TPCN1: variants seen among roughly 807,000 people sequenced by gnomAD.
TPCN1 encodes two pore segment channel 1, also known as two pore channel protein 1.
A neutral mutation model predicts 108.8 loss-of-function variants in TPCN1; 52 were observed. The observed-to-expected ratio is 0.48, with a 90% CI of 0.38 to 0.60. The LOEUF (loss-of-function observed/expected upper bound fraction) is 0.60. Among genes scored for constraint, TPCN1 ranks in the 20% least tolerant of loss-of-function variants. The pLI is 0.00. For synonymous variants in TPCN1, 446 were observed against 433.7 expected, an observed-to-expected ratio of 1.03 and a Z score of -0.35; for missense variants, 806 against 1,072.8, an observed-to-expected ratio of 0.75 and a Z score of 3.47.
intron 2 of TPCN1, 117 bp downstream of exon 2, chr12:113,227,081 T>G: frequency 1.2e-6 from 1 of 812,184 alleles, no homozygotes; most frequent in Non-Finnish European, 1.9e-6. Flanking sequence ...GGCCCCACAT[T>G]TGAGCCCCAA....
At chr12:113,241,521 C>G (rs893950124) in intron 2 of TPCN1, among the ~76,000 whole-genome samples, 1 of 152,224 alleles carries the variant, frequency 6.6e-6, no homozygotes, top group Non-Finnish European at 1.5e-5. Flanking sequence ...CAGCTTGAGT[C>G]TCAAGCCAAA....
Position 113,266,235 on chromosome 12 carries a change from C to A in TPCN1, c.293C>A (p.Ala98Glu), listed in dbSNP as rs763213221. The A allele has an allele frequency of 6.2e-7, 1 of 1,614,152 alleles. No individual in the cohort carries two copies. ...FTHPKDAKAL[A>E]AYLFAHNHLF... ...CACCCCAAGGATGCCAAGGCGCTGG[C>A]GGCCTACCTCTTTGCACACAATCAC... is the stretch of plus-strand genomic sequence containing the variant. Residue 98 changes from alanine (A) to glutamate (E), a missense_variant, in exon 4 of 28, where the codon GCG becomes GAG. Coordinates refer to ENST00000335509, the MANE Select transcript of TPCN1 (RefSeq NM_017901.6). The surrounding 1 kb of genome is among the most constrained non-coding windows in gnomAD (Gnocchi z 4.2).
At chr12:113,261,633 T>C (rs1955042858) in intron 3 of TPCN1, among the ~76,000 whole-genome samples, 1 of 152,168 alleles carries the variant, frequency 6.6e-6, no homozygotes, top group Non-Finnish European at 1.5e-5. Flanking sequence ...TTCGCCATGT[T>C]GGCCAGGCTG....
At chr12:113,293,403 G>T in intron 27 of TPCN1, 54 bp downstream of exon 27, 1 of 1,554,764 alleles carries the variant, frequency 6.4e-7, no homozygotes, top group East Asian at 2.2e-5. Flanking sequence ...TGTCCTGGGA[G>T]GGGCAGGGAG....
At chr12:113,292,399 C>T (rs1290555305) in intron 25 of TPCN1, 1 of 202,046 alleles carries the variant, frequency 4.9e-6, no homozygotes, top group East Asian at 1.4e-4. Flanking sequence ...CCTGCTGCAA[C>T]TGGATGGTGC....
chr12:113,235,515 A>T (rs1455408459), intron 2 of TPCN1, among the ~76,000 whole-genome samples: 4 of 152,118 alleles, frequency 2.6e-5, no homozygotes, highest in Non-Finnish European at 5.9e-5. Context: ...TTTAAAAAAA[A>T]AAAAAAGAAA....
At chr12:113,260,925 G>A (rs911809975) in intron 3 of TPCN1, among the ~76,000 whole-genome samples, 1 of 151,446 alleles carries the variant, frequency 6.6e-6, no homozygotes, top group African/African-American at 2.4e-5. Flanking sequence ...AGGCATGGTC[G>A]CTCATGCCTG....
chr12:113,265,045 C>T (rs1054830211), intron 3 of TPCN1, among the ~76,000 whole-genome samples: 2 of 152,090 alleles, frequency 1.3e-5, no homozygotes, highest in South Asian at 2.1e-4. Context: ...AGGCCGGCCT[C>T]GAACTCCTGA....
chr12:113,262,325 G>A (rs1396878768), intron 3 of TPCN1, among the ~76,000 whole-genome samples: 5 of 151,326 alleles, frequency 3.3e-5, no homozygotes, highest in Admixed American at 1.3e-4. Context: ...TGAAGGGATC[G>A]CCTGAGTCTG....
chr12:113,226,737 C>T lies in TPCN1; in HGVS notation c.-116C>T. The T allele has an allele frequency of 6.4e-7, 1 of 1,566,658 alleles. No homozygotes were observed. The highest frequency in any genetic ancestry group is 8.7e-7 in the Non-Finnish European group (1 of 1,155,054). ...AATTCCCAAACCCTAGAAGATGCCT[C>T]TAATGGAGGAGTTTCTGAGCAGCAC... On this transcript the variant is annotated 5_prime_UTR_variant, in exon 2 of 28. Transcript: ENST00000335509.
At chr12:113,275,291 G>T (rs1230546860) in intron 10 of TPCN1, among the ~76,000 whole-genome samples, 1 of 152,210 alleles carries the variant, frequency 6.6e-6, no homozygotes, top group African/African-American at 2.4e-5. Context: ...AGGCTGGAGT[G>T]CAGTGGCGCA....
intron 1 of TPCN1, among the ~76,000 whole-genome samples, chr12:113,224,196 C>T (rs1953382190): frequency 6.6e-6 from 1 of 152,126 alleles, no homozygotes; most frequent in African/African-American, 2.4e-5. Context: ...GAGCTGAAAG[C>T]TTGGCTTTTA....
intron 3 of TPCN1, among the ~76,000 whole-genome samples, chr12:113,262,358 C>T (rs955854916): frequency 4.7e-5 from 7 of 149,606 alleles, no homozygotes; most frequent in African/African-American, 7.4e-5. Flanking sequence ...TCCAGTGAGC[C>T]GTGTTTGTGT....
Position 113,288,543 on chromosome 12 carries a change from T to A in TPCN1, c.1707-215T>A. Reference sequence around the variant, plus strand: ...CCTTCACAGGTAAGGGGTGAATCTCTGGGAAAGGGGCATTTGTTCATAGCG... The same window carrying A: ...CCTTCACAGGTAAGGGGTGAATCTCAGGGAAAGGGGCATTTGTTCATAGCG... On this transcript the variant is annotated intron_variant, in intron 20 of 27. Coordinates refer to ENST00000335509, the MANE Select transcript of TPCN1 (RefSeq NM_017901.6). The surrounding 1 kb of genome is among the most constrained non-coding windows in gnomAD (Gnocchi z 4.8). 6.8e-7 allele frequency: 1 copy of A among 1,475,734 alleles called. No individual in the cohort carries two copies. The highest frequency in any genetic ancestry group is 9.0e-7 in the Non-Finnish European group (1 of 1,114,786). 91.4% of individuals were successfully genotyped at this position (1,475,734 alleles called of 1,614,324 possible).
In TPCN1 at chr12:113,269,009, C is replaced by T. The variant is rs1273990543; in HGVS notation, c.659+137C>T. The T allele has an allele frequency of 2.0e-6, 2 of 993,054 alleles. No homozygotes were observed. The highest frequency in any genetic ancestry group is 3.0e-6 in the Non-Finnish European group (2 of 665,438). 61.5% of individuals were successfully genotyped at this position (993,054 alleles called of 1,614,324 possible). A position where few individuals can be genotyped will look rare whatever the true frequency, so the allele number is the denominator to read the frequency against. On this transcript the variant is annotated intron_variant, in intron 6 of 27. Transcript: ENST00000335509. This position sits in a 1 kb window ranked among gnomAD's most constrained non-coding sequence, Gnocchi z 5.0. ...GGTGGAGTACACGCAGACTCACTCT[C>T]CCTCTGCCATTCCATCCACGCACAG... is the stretch of plus-strand genomic sequence containing the variant.
Position 113,296,097 on chromosome 12 carries a change from T to C in TPCN1, c.*21T>C, listed in dbSNP as rs1446625915. The C allele has an allele frequency of 3.1e-6, 5 of 1,610,990 alleles. No individual in the cohort carries two copies. Among genetic ancestry groups the C allele is most frequent in the Non-Finnish European group, 4.2e-6 (5 of 1,178,132 alleles). ...CCTAGCCCAGCGCCCGAAAGCCGTC[T>C]CTTCTATGCAATAACACAATAGTAT... On this transcript the variant is annotated 3_prime_UTR_variant, in exon 28 of 28. Coordinates refer to ENST00000335509, the MANE Select transcript of TPCN1 (RefSeq NM_017901.6).
intron 2 of TPCN1, among the ~76,000 whole-genome samples, chr12:113,247,884 A>G (rs889843917): frequency 2.0e-5 from 3 of 152,178 alleles, no homozygotes; most frequent in Non-Finnish European, 4.4e-5. Flanking sequence ...TTGGGACCAC[A>G]TGAGCACTCC....
At chr12:113,239,866 T>C (rs542341011) in intron 2 of TPCN1, among the ~76,000 whole-genome samples, 1 of 152,342 alleles carries the variant, frequency 6.6e-6, no homozygotes, top group South Asian at 2.1e-4. Flanking sequence ...TTTATTATTT[T>C]TTTTTCCTAA....
chr12:113,268,209 G>C lies in TPCN1; in HGVS notation c.528+253G>C, dbSNP rs567279066. Reference sequence around the variant, plus strand: ...GCGCAGTCACCTTCGAGAGAGATGTGCTGCTCTCCGTGGTTTACATTCATC... The same window carrying C: ...GCGCAGTCACCTTCGAGAGAGATGTCCTGCTCTCCGTGGTTTACATTCATC... On this transcript the variant is annotated intron_variant, in intron 5 of 27. Coordinates refer to ENST00000335509, the MANE Select transcript of TPCN1 (RefSeq NM_017901.6). This position sits in a 1 kb window ranked among gnomAD's most constrained non-coding sequence, Gnocchi z 7.3. Among the ~76,000 whole-genome samples, 5 of 152,328 alleles carry C rather than the reference G, an allele frequency of 3.3e-5. No homozygotes were observed. The highest frequency in any genetic ancestry group is 1.2e-4 in the African/African-American group (5 of 41,586).
Sources: allele counts gnomAD v4.1 joint callset (sites outside exome capture counted in the v4.1 genomes callset), GRCh38; gene constraint gnomAD v4.1.1; non-coding constraint Gnocchi (gnomAD v3.1); transcripts MANE v1.5; gene names NCBI Gene and HGNC (gene_info 2026-07-23, HGNC 2026-07-21).